GRM7: variants seen among roughly 807,000 people sequenced by gnomAD.
GRM7 encodes glutamate metabotropic receptor 7.
A neutral mutation model predicts 84.5 loss-of-function variants in GRM7; 35 were observed. That is an observed-to-expected ratio of 0.41 (90% confidence interval 0.32 to 0.55). The LOEUF is 0.55. GRM7 is among the 20% of genes least tolerant of loss of function. The pLI, the probability that GRM7 is intolerant of heterozygous loss-of-function variation, is 0.19. For missense variants in GRM7, 1,003 were observed against 1,194.6 expected, an observed-to-expected ratio of 0.84 and a Z score of 2.36; for synonymous variants, 487 against 455.1, an observed-to-expected ratio of 1.07 and a Z score of -0.89.
chr3:6,880,775 T>C (rs926764134), intron 1 of GRM7, among the ~76,000 whole-genome samples: 3 of 152,116 alleles, frequency 2.0e-5, no homozygotes, highest in Non-Finnish European at 4.4e-5. Flanking sequence ...TGGACTCATC[T>C]CTCAAACTGA....
At chr3:7,116,465 C>G (rs555587224) in intron 1 of GRM7, among the ~76,000 whole-genome samples, 87 of 152,230 alleles carry the variant, frequency 5.7e-4, no homozygotes, top group African/African-American at 1.5e-3. Context: ...CATTTTCATC[C>G]AAGTGTTTTG....
rs73117725 is a variant in GRM7 at position 7,492,136 on chromosome 3, G to A, written c.1515+30414G>A. On this transcript the variant is annotated intron_variant, in intron 7 of 9. Coordinates refer to ENST00000357716, the MANE Select transcript of GRM7 (RefSeq NM_000844.4). ...CAAATATGCGCTGAGGATTTTTTACGTAAACTAATAAGAGATATTGGTCTG... is the reference window on the plus strand; with the variant it reads ...CAAATATGCGCTGAGGATTTTTTACATAAACTAATAAGAGATATTGGTCTG... 6.5e-3 allele frequency among the ~76,000 whole-genome samples: 992 copies of A among 152,154 alleles called. 12 individuals are homozygous for A. Among genetic ancestry groups the A allele is most frequent in the African/African-American group, 0.023 (943 of 41,512 alleles).
intron 7 of GRM7, among the ~76,000 whole-genome samples, chr3:7,523,471 G>C (rs961248145): frequency 6.6e-6 from 1 of 152,088 alleles, no homozygotes; most frequent in African/African-American, 2.4e-5. Context: ...TGGTAAGCAG[G>C]CATCTCCGAG....
At chr3:7,134,557 TTG>T (rs1693712642) in intron 1 of GRM7, among the ~76,000 whole-genome samples, 1 of 152,166 alleles carries the variant, frequency 6.6e-6, no homozygotes, top group African/African-American at 2.4e-5. Context: ...TTGCAATTCC[TTG>T]TTCATATTGG....
intron 2 of GRM7, among the ~76,000 whole-genome samples, chr3:7,232,395 A>T (rs1157432333): frequency 6.6e-6 from 1 of 152,182 alleles, no homozygotes; most frequent in Non-Finnish European, 1.5e-5. Flanking sequence ...AGCTGGAAAG[A>T]CCCTAAGCAT....
intron 4 of GRM7, among the ~76,000 whole-genome samples, chr3:7,331,816 C>T (rs10510361): frequency 0.04 from 6,039 of 152,118 alleles, 256 homozygotes; most frequent in African/African-American, 0.11. Context: ...AAGGGCTCTA[C>T]CATTATTAAA....
intron 1 of GRM7, among the ~76,000 whole-genome samples, chr3:6,987,572 G>T (rs762578810): frequency 1.3e-5 from 2 of 152,168 alleles, no homozygotes; most frequent in African/African-American, 4.8e-5. Flanking sequence ...AGGAGTGAAC[G>T]TGAGCATTCA....
At chr3:7,440,006 C>A (rs1185804170) in intron 5 of GRM7, among the ~76,000 whole-genome samples, 1 of 152,120 alleles carries the variant, frequency 6.6e-6, no homozygotes, top group Non-Finnish European at 1.5e-5. Context: ...GAGGAGTACT[C>A]GGTGTGGATT....
rs115050277 is a variant in GRM7 at position 7,178,197 on chromosome 3, A to T, written c.736+31529A>T. On this transcript the variant is annotated intron_variant, in intron 2 of 9. Coordinates refer to ENST00000357716, the MANE Select transcript of GRM7 (RefSeq NM_000844.4). Reference sequence around the variant, plus strand: ...AGAAAGTCTGGACAAAACATCTAAGAATATGTATGCATTAATTAAATTACT... The same window carrying T: ...AGAAAGTCTGGACAAAACATCTAAGTATATGTATGCATTAATTAAATTACT... 1.3e-3 allele frequency among the ~76,000 whole-genome samples: 192 copies of T among 152,378 alleles called. 1 individual carries two copies. Among genetic ancestry groups the T allele is most frequent in the African/African-American group, 4.2e-3 (174 of 41,596 alleles).
intron 1 of GRM7, among the ~76,000 whole-genome samples, chr3:6,985,164 CA>C (rs1365621420): frequency 6.6e-6 from 1 of 152,126 alleles, no homozygotes; most frequent in Admixed American, 6.5e-5. Flanking sequence ...GTGAAATAAA[CA>C]TATCACAGAG....
chr3:7,423,058 C>T (rs537683512), intron 5 of GRM7, among the ~76,000 whole-genome samples: 1 of 152,058 alleles, frequency 6.6e-6, no homozygotes, highest in African/African-American at 2.4e-5. Flanking sequence ...ATAGATGGAC[C>T]CTGCAGTAAA....
intron 1 of GRM7, among the ~76,000 whole-genome samples, chr3:7,136,878 G>A (rs1351875752): frequency 6.6e-6 from 1 of 152,064 alleles, no homozygotes; most frequent in African/African-American, 2.4e-5. Flanking sequence ...AACAGATAAT[G>A]ATACAGATAA....
chr3:7,252,383 A>G (rs1698024185), intron 2 of GRM7, among the ~76,000 whole-genome samples: 1 of 152,142 alleles, frequency 6.6e-6, no homozygotes. Context: ...TCCAAAATAG[A>G]GTGGTCTGCA....
At chr3:7,271,562 T>TA (rs71063298) in intron 2 of GRM7, among the ~76,000 whole-genome samples, 2,533 of 88,810 alleles carry the variant, frequency 0.029, 103 homozygotes, top group African/African-American at 0.1. Context: ...CCGCCTCAAA[T>TA]AAAAAAAAAA....
chr3:7,650,551 A>C (rs976803909), intron 8 of GRM7, among the ~76,000 whole-genome samples: 1 of 152,218 alleles, frequency 6.6e-6, no homozygotes, highest in Admixed American at 6.5e-5. Context: ...TGCAGAAGGA[A>C]TTCTGTTAGC....
chr3:7,246,274 C>G (rs189163145), intron 2 of GRM7, among the ~76,000 whole-genome samples: 5 of 152,198 alleles, frequency 3.3e-5, no homozygotes, highest in Middle Eastern at 3.4e-3. Context: ...TCCAGATTAG[C>G]CTATTGCATC....
chr3:7,462,454 T>G (rs1319016730), intron 7 of GRM7, among the ~76,000 whole-genome samples: 1 of 152,240 alleles, frequency 6.6e-6, no homozygotes, highest in African/African-American at 2.4e-5. Context: ...ATCAGGGCAC[T>G]GCATGGCAAA....
intron 1 of GRM7, among the ~76,000 whole-genome samples, chr3:7,026,992 C>T (rs1696007352): frequency 6.6e-6 from 1 of 152,220 alleles, no homozygotes; most frequent in African/African-American, 2.4e-5. Context: ...TGCTTTGGCT[C>T]ATGCCATCCT....
rs548984417 is a variant in GRM7 at position 7,590,000 on chromosome 3, A to G, written c.2451+10643A>G. Among the ~76,000 whole-genome samples, 21 of 152,342 alleles carry G rather than the reference A, an allele frequency of 1.4e-4. No individual in the cohort carries two copies. In the South Asian group the frequency reaches 2.1e-3, roughly 15 times the overall value. On this transcript the variant is annotated intron_variant, in intron 8 of 9. Transcript: ENST00000357716. The stretch of plus-strand genomic sequence containing the variant: ...TAGTAGATGTACTGAAACAGCAACT[A>G]AGAAAGGTTTTTGTTCCCTGTAGTG...
Sources: gnomAD v4.1 joint callset for allele counts (sites outside exome capture counted in the v4.1 genomes callset) on GRCh38, gnomAD v4.1.1 for gene constraint, MANE v1.5 for transcripts, NCBI Gene and HGNC (gene_info 2026-07-23, HGNC 2026-07-21) for gene names.